DENND1A: variants seen among roughly 807,000 people sequenced by gnomAD.
The protein encoded by DENND1A is DENN domain containing 1A.
Under a neutral mutation model 113.7 loss-of-function variants are expected in DENND1A, and 51 were observed. The observed-to-expected ratio is 0.45, with a 90% CI of 0.36 to 0.57. DENND1A has a LOEUF of 0.57. Among genes scored for constraint, DENND1A ranks in the 20% least tolerant of loss-of-function variants. The pLI is 0.00. For missense variants in DENND1A, 1,258 were observed against 1,395.9 expected, an observed-to-expected ratio of 0.90 and a Z score of 1.57; for synonymous variants, 565 against 570.8, an observed-to-expected ratio of 0.99 and a Z score of 0.14.
chr9:123,644,669 C>T (rs189454893), intron 9 of DENND1A, among the ~76,000 whole-genome samples: 12 of 152,304 alleles, frequency 7.9e-5, no homozygotes, highest in Non-Finnish European at 1.2e-4. Context: ...GAAGGGGCTA[C>T]GATTAGTTTG....
rs574120761 is a variant in DENND1A at position 123,512,129 on chromosome 9, T to C, written c.993+45441A>G. On this transcript the variant is annotated intron_variant, in intron 13 of 23. Transcript: ENST00000394215. ...GGTGATCAAAGGCAAAAGAACAAAA[T>C]GCAGGCCAGGAAGTCAGTGCCAAAG... is the stretch of plus-strand genomic sequence containing the variant. Among the ~76,000 whole-genome samples, 8 of 152,196 alleles carry C rather than the reference T, an allele frequency of 5.3e-5. No individual in the cohort carries two copies. In the East Asian group the frequency reaches 1.2e-3, roughly 22 times the overall value.
Position 123,676,029 on chromosome 9 carries a change from C to T in DENND1A, c.372+691G>A, listed in dbSNP as rs529460828. ...GTAAATCAAGGTACATGACAAAATG[C>T]TATGCAGCCATGAAAAATATTTATA... On this transcript the variant is annotated intron_variant, in intron 6 of 23. Coordinates refer to ENST00000394215, the MANE Select transcript of DENND1A (RefSeq NM_001352964.2). Among the ~76,000 whole-genome samples, 3 of 152,280 alleles carry T rather than the reference C, an allele frequency of 2.0e-5. No individual in the cohort carries two copies. The South Asian group carries it at 6.2e-4, about 32-fold the overall frequency.
At chr9:123,489,202 A>G (rs2051151197) in intron 13 of DENND1A, among the ~76,000 whole-genome samples, 1 of 152,228 alleles carries the variant, frequency 6.6e-6, no homozygotes, top group Non-Finnish European at 1.5e-5. Context: ...GGTCATGCCA[A>G]AAGCAAGTGA....
At chr9:123,855,519 CA>C (rs977349599) in intron 2 of DENND1A, among the ~76,000 whole-genome samples, 1 of 152,080 alleles carries the variant, frequency 6.6e-6, no homozygotes, top group Admixed American at 6.6e-5. Flanking sequence ...TCAGCTAGTG[CA>C]GAAGGTCAAT....
intron 21 of DENND1A, among the ~76,000 whole-genome samples, chr9:123,390,695 G>C (rs1364032421): frequency 6.6e-6 from 1 of 152,216 alleles, no homozygotes; most frequent in Non-Finnish European, 1.5e-5. Context: ...GTGACCACGT[G>C]GCCAAGAAGT....
intron 19 of DENND1A, among the ~76,000 whole-genome samples, chr9:123,437,184 G>C (rs1375715273): frequency 6.6e-6 from 1 of 152,178 alleles, no homozygotes; most frequent in East Asian, 1.9e-4. Flanking sequence ...CACAATGGTA[G>C]GGACTGAGAA....
At chr9:123,680,505 C>T (rs1300988411) in intron 5 of DENND1A, among the ~76,000 whole-genome samples, 1 of 152,214 alleles carries the variant, frequency 6.6e-6, no homozygotes, top group Non-Finnish European at 1.5e-5. Flanking sequence ...CGGACATGGT[C>T]TGTGTAAACA....
chr9:123,604,229 T>C (rs532118025), intron 11 of DENND1A, among the ~76,000 whole-genome samples: 1 of 152,374 alleles, frequency 6.6e-6, no homozygotes, highest in South Asian at 2.1e-4. Context: ...TTGCAGATGC[T>C]GCTCTCTGCT....
At chr9:123,780,050 CG>C (rs1314792904) in intron 3 of DENND1A, among the ~76,000 whole-genome samples, 5 of 152,030 alleles carry the variant, frequency 3.3e-5, no homozygotes, top group Non-Finnish European at 7.4e-5. Context: ...GACAGGGTTT[CG>C]CCATGTTGGC....
chr9:123,858,073 A>G (rs982545385), intron 2 of DENND1A, among the ~76,000 whole-genome samples: 52 of 151,898 alleles, frequency 3.4e-4, no homozygotes, highest in African/African-American at 9.2e-4. Flanking sequence ...AAAAAAAAAA[A>G]AAAGAAAAGA....
chr9:123,483,532 G>A (rs2050529843), intron 13 of DENND1A, among the ~76,000 whole-genome samples: 1 of 152,244 alleles, frequency 6.6e-6, no homozygotes, highest in Admixed American at 6.5e-5. Context: ...GCACTTGCTG[G>A]GTTCCCCAGC....
At chr9:123,515,681 T>G (rs1259287002) in intron 13 of DENND1A, among the ~76,000 whole-genome samples, 1 of 152,218 alleles carries the variant, frequency 6.6e-6, no homozygotes, top group Non-Finnish European at 1.5e-5. Flanking sequence ...AGATGCTTAC[T>G]AATTAATATA....
chr9:123,891,703 A>G (rs774648803), intron 1 of DENND1A, among the ~76,000 whole-genome samples: 8 of 152,226 alleles, frequency 5.3e-5, no homozygotes, highest in Non-Finnish European at 1.2e-4. Context: ...AAAAATTTAA[A>G]TAAGTATATA....
chr9:123,903,824 TAGGTAAAC>T (rs1346622944), intron 1 of DENND1A, among the ~76,000 whole-genome samples: 1 of 151,976 alleles, frequency 6.6e-6, no homozygotes, highest in Non-Finnish European at 1.5e-5. Flanking sequence ...CAGGCTTGCT[TAGGTAAAC>T]AAAGCAGCCA....
chr9:123,594,213 G>A (rs1284193143), intron 11 of DENND1A, among the ~76,000 whole-genome samples: 3 of 152,204 alleles, frequency 2.0e-5, no homozygotes, highest in African/African-American at 7.2e-5. Flanking sequence ...CAATGTTACA[G>A]AGGCCTGTGT....
At position 123,879,111 on chromosome 9, in the gene DENND1A, G is replaced by T. The variant is rs182045707; in HGVS notation, c.18-90C>A. On this transcript the variant is annotated intron_variant, in intron 1 of 23. Transcript: ENST00000394215. Reference sequence around the variant, plus strand: ...CTATGGTATTAAACAGATCTTCCTTGAAATCATTAGCTCACAACTTAATGG... The same window carrying T: ...CTATGGTATTAAACAGATCTTCCTTTAAATCATTAGCTCACAACTTAATGG... 3 of 1,278,984 alleles carry T rather than the reference G, an allele frequency of 2.3e-6. No individual in the cohort carries two copies. The East Asian group carries it at 7.2e-5, about 31-fold the overall frequency. 79.2% of individuals were successfully genotyped at this position (1,278,984 alleles called of 1,614,324 possible).
intron 5 of DENND1A, among the ~76,000 whole-genome samples, chr9:123,691,586 T>C (rs1231349569): frequency 6.6e-6 from 1 of 151,522 alleles, no homozygotes; most frequent in South Asian, 2.1e-4. Context: ...GAGAGGATCT[T>C]TGGCAATAGT....
At chr9:123,454,955 C>T (rs551885581) in intron 15 of DENND1A, among the ~76,000 whole-genome samples, 176 bp from the exon 16 acceptor site, 18 of 151,704 alleles carry the variant, frequency 1.2e-4, no homozygotes, top group South Asian at 6.3e-4. Flanking sequence ...CTCAGTCTCC[C>T]GGATTACAGG....
intron 21 of DENND1A, among the ~76,000 whole-genome samples, chr9:123,395,092 T>C (rs1261000392): frequency 1.3e-5 from 2 of 151,974 alleles, no homozygotes; most frequent in Non-Finnish European, 1.5e-5. Flanking sequence ...AAACAGGCAG[T>C]TGAGAAATGG....
Sources: allele counts gnomAD v4.1 joint callset (sites outside exome capture counted in the v4.1 genomes callset), GRCh38; gene constraint gnomAD v4.1.1; transcripts MANE v1.5; gene names NCBI Gene and HGNC (gene_info 2026-07-23, HGNC 2026-07-21).